DCDC1: variants seen among roughly 807,000 people sequenced by gnomAD.
The protein encoded by DCDC1 is doublecortin domain containing 1.
DCDC1 carries 200 observed loss-of-function variants against 178.3 expected under a neutral mutation model. The ratio of observed to expected loss-of-function variants is 1.12; its 90% confidence interval spans 1.00 to 1.26. DCDC1 has a LOEUF of 1.26. DCDC1 is among the 50% of genes most tolerant of loss of function. The pLI is 0.00. For missense variants in DCDC1, 1,983 were observed against 1,749.2 expected (o/e 1.13, Z -2.38); for synonymous variants, 690 against 604.8 (o/e 1.14, Z -2.07).
intron 20 of DCDC1, among the ~76,000 whole-genome samples, chr11:30,973,665 T>C (rs1329883920): frequency 1.3e-5 from 2 of 152,210 alleles, no homozygotes; most frequent in Non-Finnish European, 1.5e-5. Context: ...AGTCATTATA[T>C]AATGATAAAG....
At chr11:30,943,562 G>GA (rs1947807410) in intron 21 of DCDC1, 1 of 380,548 alleles carries the variant, frequency 2.6e-6, no homozygotes, top group Non-Finnish European at 5.3e-6. Context: ...CCTTGAATAT[G>GA]AAAATCCATT....
intron 23 of DCDC1, among the ~76,000 whole-genome samples, chr11:30,923,111 C>A (rs1946359230): frequency 1.3e-5 from 2 of 152,012 alleles, no homozygotes; most frequent in African/African-American, 4.8e-5. Flanking sequence ...GGCGAACTAT[C>A]CCTAAAACCC....
chr11:31,284,563 G>A (rs891242395), intron 7 of DCDC1, among the ~76,000 whole-genome samples: 1 of 151,444 alleles, frequency 6.6e-6, no homozygotes, highest in African/African-American at 2.4e-5. Flanking sequence ...AATATAAAAT[G>A]TACATATAAA....
intron 9 of DCDC1, among the ~76,000 whole-genome samples, chr11:31,164,201 C>T: frequency 6.6e-6 from 1 of 151,992 alleles, no homozygotes; most frequent in Non-Finnish European, 1.5e-5. Flanking sequence ...GCATTTTGAT[C>T]AACAGAACAC....
intron 36 of DCDC1, among the ~76,000 whole-genome samples, chr11:30,890,910 T>C (rs1424573587): frequency 6.6e-6 from 1 of 152,216 alleles, no homozygotes; most frequent in Non-Finnish European, 1.5e-5. Context: ...TTTAAATTAC[T>C]CATAATCTAG....
At chr11:31,041,373 A>C (rs1279029474) in intron 20 of DCDC1, among the ~76,000 whole-genome samples, 1 of 152,202 alleles carries the variant, frequency 6.6e-6, no homozygotes, top group African/African-American at 2.4e-5. Context: ...CCCAAGCACT[A>C]TTTCTAAGTA....
chr11:31,199,311 A>G lies in DCDC1; in HGVS notation c.1221+42139T>C, dbSNP rs77799976. ...TCAGAAAAGATAAAAATTTGCCTCT[A>G]TAATAAGCTAGACACTAGTTTATTA... On this transcript the variant is annotated intron_variant, in intron 9 of 38. Transcript: ENST00000684477. 6.9e-3 allele frequency among the ~76,000 whole-genome samples: 1,049 copies of G among 152,186 alleles called. 15 individuals are homozygous for G. Among genetic ancestry groups the G allele is most frequent in the African/African-American group, 0.024 (995 of 41,554 alleles).
At chr11:30,880,127 T>C (rs1942515952) in intron 37 of DCDC1, among the ~76,000 whole-genome samples, 1 of 152,192 alleles carries the variant, frequency 6.6e-6, no homozygotes, top group African/African-American at 2.4e-5. Flanking sequence ...TAATACTTAC[T>C]GATAATAAGA....
At chr11:31,147,289 T>C (rs906897282) in intron 9 of DCDC1, among the ~76,000 whole-genome samples, 5 of 152,184 alleles carry the variant, frequency 3.3e-5, no homozygotes, top group Non-Finnish European at 7.3e-5. Context: ...AGGGGGAAAT[T>C]TGTGGGCTGA....
intron 9 of DCDC1, among the ~76,000 whole-genome samples, chr11:31,147,869 C>G (rs1293457639): frequency 6.6e-6 from 1 of 152,180 alleles, no homozygotes; most frequent in African/African-American, 2.4e-5. Context: ...GGGACAGTCT[C>G]TTTACAGTGC....
At chr11:31,341,424 T>TAGATAGATAGATAGACAGAC (rs1555184027) in intron 1 of DCDC1, among the ~76,000 whole-genome samples, 3 of 150,338 alleles carry the variant, frequency 2.0e-5, no homozygotes, top group Admixed American at 1.3e-4. Context: ...GATAGATAGA[T>TAGATAGATAGATAGACAGAC]AGATAGATAG....
intron 7 of DCDC1, among the ~76,000 whole-genome samples, chr11:31,278,698 A>G (rs1946173735): frequency 6.6e-6 from 1 of 152,176 alleles, no homozygotes; most frequent in Non-Finnish European, 1.5e-5. Flanking sequence ...ATAAGTATCT[A>G]AAGTAATTCA....
At chr11:31,187,704 T>A (rs1032857571) in intron 9 of DCDC1, among the ~76,000 whole-genome samples, 1 of 152,156 alleles carries the variant, frequency 6.6e-6, no homozygotes, top group Admixed American at 6.5e-5. Flanking sequence ...AGTTAGGAAA[T>A]CAAAGGATCC....
At chr11:31,213,108 T>C (rs1395042569) in intron 9 of DCDC1, among the ~76,000 whole-genome samples, 10 of 26,378 alleles carry the variant, frequency 3.8e-4, no homozygotes, top group Admixed American at 7.9e-4. Context: ...AGCCTCTCTC[T>C]CTCTCTCTCT....
intron 9 of DCDC1, among the ~76,000 whole-genome samples, chr11:31,143,271 CG>C (rs1964060994): frequency 6.6e-6 from 1 of 151,810 alleles, no homozygotes; most frequent in African/African-American, 2.4e-5. Context: ...AGTGGTAATA[CG>C]GGGCATTATT....
At chr11:31,223,514 T>G (rs1974535761) in intron 9 of DCDC1, among the ~76,000 whole-genome samples, 1 of 152,158 alleles carries the variant, frequency 6.6e-6, no homozygotes, top group African/African-American at 2.4e-5. Flanking sequence ...CTGGAGAAAT[T>G]TTAATACATG....
chr11:31,017,164 T>G (rs904443420), intron 20 of DCDC1, among the ~76,000 whole-genome samples: 6 of 152,118 alleles, frequency 3.9e-5, no homozygotes, highest in South Asian at 2.1e-4. Context: ...AATAAAGCAG[T>G]ATTTTAAAGT....
At chr11:30,968,071 G>T (rs1338859432) in intron 20 of DCDC1, among the ~76,000 whole-genome samples, 4 of 152,080 alleles carry the variant, frequency 2.6e-5, no homozygotes, top group Admixed American at 2.6e-4. Flanking sequence ...TATGTTGCTG[G>T]GTGCCAGGGA....
At chr11:30,879,887 A>T (rs577717203) in intron 37 of DCDC1, among the ~76,000 whole-genome samples, 18 of 152,246 alleles carry the variant, frequency 1.2e-4, no homozygotes, top group African/African-American at 4.1e-4. Context: ...ACTGCAAGAA[A>T]GGTGTGGTAC....
Sources: allele counts gnomAD v4.1 joint callset (sites outside exome capture counted in the v4.1 genomes callset), GRCh38; gene constraint gnomAD v4.1.1; transcripts MANE v1.5; gene names NCBI Gene and HGNC (gene_info 2026-07-23, HGNC 2026-07-21).